ANKRD42: variants seen among roughly 807,000 people sequenced by gnomAD.
The protein encoded by ANKRD42 is ankyrin repeat domain-containing protein 42.
ANKRD42 carries 43 observed loss-of-function variants against 51.5 expected under a neutral mutation model. The ratio of observed to expected loss-of-function variants is 0.83; its 90% CI spans 0.65 to 1.08. ANKRD42 has a LOEUF of 1.08. Among genes scored for constraint, ANKRD42 ranks in the 50% least tolerant of loss-of-function variants. ANKRD42 has a pLI of 0.00. For missense variants in ANKRD42, 608 were observed against 629.3 expected, an observed-to-expected ratio of 0.97 and a Z score of 0.36; for synonymous variants, 203 against 213.0, an observed-to-expected ratio of 0.95 and a Z score of 0.41.
At chr11:83,252,410 C>T (rs998815485), downstream of ANKRD42, among the ~76,000 whole-genome samples, 4 of 152,176 alleles carry the variant, frequency 2.6e-5, no homozygotes, top group Non-Finnish European at 4.4e-5. Flanking sequence ...TTCTTGTCAG[C>T]ATTATTACAT....
At chr11:83,225,955 A>G (rs775633475) in intron 6 of ANKRD42, among the ~76,000 whole-genome samples, 2 of 151,796 alleles carry the variant, frequency 1.3e-5, no homozygotes, top group Admixed American at 1.3e-4. Context: ...GGGTCTCACT[A>G]TGTTTCCCAG....
intron 5 of ANKRD42, chr11:83,212,740 T>C (rs932782722): frequency 3.9e-6 from 6 of 1,535,708 alleles, no homozygotes; most frequent in Non-Finnish European, 5.2e-6. Context: ...CTGCATGGCC[T>C]CATCTTTCTA....
At chr11:83,216,268 A>G (rs971713325) in intron 5 of ANKRD42, among the ~76,000 whole-genome samples, 4 of 152,028 alleles carry the variant, frequency 2.6e-5, no homozygotes, top group Admixed American at 1.3e-4. Context: ...TATACCTTCA[A>G]ATGTTTTCCA....
intron 3 of ANKRD42, 45 bp downstream of exon 3, chr11:83,206,210 G>A (rs1302156902): frequency 1.4e-6 from 2 of 1,424,812 alleles, no homozygotes; most frequent in Non-Finnish European, 9.8e-7. Flanking sequence ...CTTTAACATA[G>A]TTCTGTTGGG....
At chr11:83,209,656 T>G (rs1862229322) in intron 3 of ANKRD42, 1 of 800,814 alleles carries the variant, frequency 1.2e-6, no homozygotes, top group Middle Eastern at 3.5e-4. Flanking sequence ...AAGCTGCTTT[T>G]CAGCCTCAAG....
intron 5 of ANKRD42, among the ~76,000 whole-genome samples, chr11:83,221,363 G>T (rs1862712485): frequency 6.6e-6 from 1 of 152,162 alleles, no homozygotes; most frequent in South Asian, 2.1e-4. Flanking sequence ...CTCACATATT[G>T]CCATCTTGTT....
downstream of ANKRD42, chr11:83,261,953 AG>A (rs768829882): frequency 7.5e-6 from 12 of 1,600,426 alleles, no homozygotes; most frequent in Non-Finnish European, 1.0e-5. Flanking sequence ...TTGCCAGGCA[AG>A]TAAACACCGA....
intron 2 of ANKRD42, among the ~76,000 whole-genome samples, chr11:83,202,746 T>A (rs747806850): frequency 7.9e-5 from 12 of 152,166 alleles, no homozygotes; most frequent in Non-Finnish European, 1.5e-5. Context: ...TTATAAATTT[T>A]AAAAAGTGTA....
intron 7 of ANKRD42, among the ~76,000 whole-genome samples, chr11:83,231,919 T>C (rs1226342797): frequency 6.6e-6 from 1 of 152,074 alleles, no homozygotes; most frequent in Non-Finnish European, 1.5e-5. Context: ...CATGATGGTG[T>C]GTGCCTGTAA....
intron 7 of ANKRD42, among the ~76,000 whole-genome samples, chr11:83,228,241 T>G (rs966086300): frequency 1.3e-5 from 1 of 76,458 alleles, no homozygotes; most frequent in African/African-American, 6.9e-5. Context: ...CTTTTTTTTT[T>G]TTTTTTTTTT....
intron 5 of ANKRD42, chr11:83,213,909 GA>G (rs889890313): frequency 2.1e-5 from 3 of 145,648 alleles, no homozygotes; most frequent in African/African-American, 7.7e-5. Context: ...TTTTTTTTTT[GA>G]AATAGAGTCT....
At chr11:83,215,172 G>A (rs1862483876) in intron 5 of ANKRD42, 1 of 152,018 alleles carries the variant, frequency 6.6e-6, no homozygotes, top group Non-Finnish European at 1.5e-5. Flanking sequence ...ATTGTGAATA[G>A]TGTGTTAATA....
At chr11:83,216,473 C>T (rs532135548) in intron 5 of ANKRD42, among the ~76,000 whole-genome samples, 70 of 152,162 alleles carry the variant, frequency 4.6e-4, no homozygotes, top group African/African-American at 1.3e-3. Flanking sequence ...TACAGGCGCC[C>T]GCCACCTCGC....
chr11:83,229,487 G>A (rs1432472677), intron 7 of ANKRD42, among the ~76,000 whole-genome samples: 3 of 152,076 alleles, frequency 2.0e-5, no homozygotes, highest in Non-Finnish European at 4.4e-5. Flanking sequence ...GGAAAAGATA[G>A]GCTCACTCAT....
Position 83,228,220 on chromosome 11 carries a change from C to CCTCT in ANKRD42, c.913+357_913+360dup, listed in dbSNP as rs1201296890. Among the ~76,000 whole-genome samples, 288 of 76,184 alleles carry CCTCT rather than the reference C, an allele frequency of 3.8e-3. 38 individuals are homozygous for CCTCT. Among genetic ancestry groups the CCTCT allele is most frequent in the East Asian group, 6.6e-3 (21 of 3,200 alleles). 50.0% of individuals were successfully genotyped at this position (76,184 alleles called of 152,430 possible). ...AATTCATACTAAAATAGAAATCATC[C>CCTCT]CTCTCTCTCTCTTTTTTTTTTTTTT... On this transcript the variant is annotated intron_variant, in intron 7 of 10. Coordinates refer to ENST00000533342, the MANE Select transcript of ANKRD42 (RefSeq NM_001300975.2).
chr11:83,212,914 T>TA, intron 5 of ANKRD42: 2 of 1,463,910 alleles, frequency 1.4e-6, no homozygotes, highest in Non-Finnish European at 1.8e-6. Flanking sequence ...TTTTTTTTTT[T>TA]AAAGTAAAAT....
At chr11:83,260,121 G>C (rs530719795), downstream of ANKRD42, 26 of 152,226 alleles carry the variant, frequency 1.7e-4, no homozygotes, top group Non-Finnish European at 3.7e-4. Flanking sequence ...AGTGACGACA[G>C]TGTTATGCTA....
chr11:83,195,091 G>T (rs1861588294), intron 1 of ANKRD42, among the ~76,000 whole-genome samples: 1 of 152,176 alleles, frequency 6.6e-6, no homozygotes, highest in African/African-American at 2.4e-5. Context: ...ACTCCATTGA[G>T]TGACCCTTTC....
chr11:83,231,930 T>A (rs1270659520), intron 7 of ANKRD42, among the ~76,000 whole-genome samples: 1 of 152,172 alleles, frequency 6.6e-6, no homozygotes, highest in Non-Finnish European at 1.5e-5. Context: ...GTGCCTGTAA[T>A]CCCAGCTATT....
Sources: gnomAD v4.1 joint callset for allele counts (sites outside exome capture counted in the v4.1 genomes callset) on GRCh38, gnomAD v4.1.1 for gene constraint, MANE v1.5 for transcripts, NCBI Gene and HGNC (gene_info 2026-07-23, HGNC 2026-07-21) for gene names.